NOL9: variants seen among roughly 807,000 people sequenced by gnomAD.
The protein encoded by NOL9 is polynucleotide 5'-hydroxyl-kinase NOL9.
In NOL9, 28 loss-of-function variants were observed where a neutral mutation model predicts 67.9. The observed-to-expected ratio is 0.41, with a 90% CI of 0.31 to 0.57. NOL9 has a LOEUF of 0.57. NOL9 is among the 20% of genes least tolerant of loss of function. The pLI, the probability that NOL9 is intolerant of heterozygous loss-of-function variation, is 0.25. For synonymous variants in NOL9, 356 were observed against 352.2 expected (o/e 1.01, Z -0.12); for missense variants, 777 against 897.0 (o/e 0.87, Z 1.71).
In NOL9 at chr1:6,522,222, T is replaced by G. The variant is rs899239609; in HGVS notation, c.*3632A>C. On this transcript the variant is annotated 3_prime_UTR_variant, in exon 12 of 12. Coordinates refer to ENST00000377705, the MANE Select transcript of NOL9 (RefSeq NM_024654.5). ...ATTAGCTAGTGTAGTGGCGGGCGCC[T>G]GTAATCCCGGATACTTTGAAAATTA... 6.6e-6 allele frequency: 1 copy of G among 151,982 alleles called. No homozygotes were observed. The highest frequency in any genetic ancestry group is 1.5e-5 in the Non-Finnish European group (1 of 67,990). 9.4% of individuals were successfully genotyped at this position (151,982 alleles called of 1,614,324 possible).
intron 6 of NOL9, among the ~76,000 whole-genome samples, chr1:6,537,750 T>C (rs1334285443): frequency 6.6e-6 from 1 of 152,128 alleles, no homozygotes; most frequent in Non-Finnish European, 1.5e-5. Context: ...AATATCTATA[T>C]TCAAAAGAAA....
chr1:6,554,285 G>A lies in NOL9; in HGVS notation c.218C>T (p.Ala73Val), dbSNP rs1295398881. Residue 73 changes from alanine (A) to valine (V), a missense_variant, in exon 1 of 12, where the codon GCG becomes GTG. Around this residue, in one of 2 missense-constraint regions of NOL9, gnomAD observed 364 missense variants for 344.4 expected, o/e 1.06. Coordinates refer to ENST00000377705, the MANE Select transcript of NOL9 (RefSeq NM_024654.5). Reference protein sequence around the residue: ...REGARQVSRAAAARRPNTATP... With the variant: ...REGARQVSRAVAARRPNTATP... ...CGCGGTGTTGGGTCTCCGGGCCGCC[G>A]CCGCGCGCGACACCTGGCGGGCTCC... is the stretch of plus-strand genomic sequence containing the variant. 1.8e-5 allele frequency: 27 copies of A among 1,472,730 alleles called. No individual in the cohort carries two copies. The highest frequency in any genetic ancestry group is 2.5e-5 in the Admixed American group (1 of 39,562). 91.2% of individuals were successfully genotyped at this position (1,472,730 alleles called of 1,614,324 possible).
intron 3 of NOL9, among the ~76,000 whole-genome samples, chr1:6,546,621 C>T (rs779429719): frequency 6.6e-6 from 1 of 152,120 alleles, no homozygotes; most frequent in South Asian, 2.1e-4. Flanking sequence ...CTCCTAAGGC[C>T]ACATGATGCC....
intron 6 of NOL9, among the ~76,000 whole-genome samples, chr1:6,539,652 C>T (rs4908914): frequency 0.98 from 148,970 of 152,164 alleles, 73,018 homozygotes; most frequent in East Asian, 1. Context: ...GCCCAGCTAA[C>T]TTTTGTATTT....
intron 6 of NOL9, among the ~76,000 whole-genome samples, chr1:6,535,281 T>C (rs944686457): frequency 2.6e-5 from 4 of 152,170 alleles, no homozygotes; most frequent in African/African-American, 9.7e-5. Context: ...GTACTGAAAC[T>C]CTGGTTTCAA....
chr1:6,521,637 C>A lies in NOL9; in HGVS notation c.*4217G>T, dbSNP rs183340653. ...TGCTTCCTCAAGGGCTCTTTGACCA[C>A]AGGAAGCTTGGTAGCAACAATTTTA... On this transcript the variant is annotated 3_prime_UTR_variant, in exon 12 of 12. Coordinates refer to ENST00000377705, the MANE Select transcript of NOL9 (RefSeq NM_024654.5). 1 of 152,326 alleles carries A rather than the reference C, an allele frequency of 6.6e-6. No individual in the cohort carries two copies. Among genetic ancestry groups the A allele is most frequent in the Non-Finnish European group, 1.5e-5 (1 of 68,028 alleles). 9.4% of individuals were successfully genotyped at this position (152,326 alleles called of 1,614,324 possible). A position where few individuals can be genotyped will look rare whatever the true frequency, so the allele number is the denominator to read the frequency against.
chr1:6,525,846 C>A lies in NOL9; in HGVS notation c.*8G>T. The A allele has an allele frequency of 6.2e-7, 1 of 1,613,776 alleles. No individual in the cohort carries two copies. Among genetic ancestry groups the A allele is most frequent in the Non-Finnish European group, 8.5e-7 (1 of 1,179,820 alleles). ...GGAAAGTTTCTTCCCTTATTAAAAA[C>A]GCGAGCATCACTTCATTTTTCGACA... On this transcript the variant is annotated 3_prime_UTR_variant, in exon 12 of 12. Coordinates refer to ENST00000377705, the MANE Select transcript of NOL9 (RefSeq NM_024654.5).
chr1:6,540,017 C>T (rs543237238), intron 6 of NOL9, among the ~76,000 whole-genome samples: 1 of 152,056 alleles, frequency 6.6e-6, no homozygotes, highest in African/African-American at 2.4e-5. Context: ...CAGAGTTTTG[C>T]TCTTGCTGCC....
chr1:6,531,472 C>A (rs1031591736), intron 9 of NOL9, among the ~76,000 whole-genome samples: 7 of 152,096 alleles, frequency 4.6e-5, no homozygotes, highest in Admixed American at 3.9e-4. Context: ...CTTGGCCTCC[C>A]AAAGTGCTGG....
chr1:6,532,306 TA>T (rs1408191202), intron 8 of NOL9, 156 bp downstream of exon 8: 4 of 781,060 alleles, frequency 5.1e-6, no homozygotes, highest in Middle Eastern at 2.9e-4. Flanking sequence ...ACTGGGAACA[TA>T]ACAGTTCAGA....
chr1:6,548,258 C>G (rs1639464639), intron 3 of NOL9: 1 of 156,410 alleles, frequency 6.4e-6, no homozygotes, highest in Non-Finnish European at 1.4e-5. Flanking sequence ...ATCGATTCTC[C>G]CGCCTCACCT....
rs72862867 is a variant in NOL9 at position 6,545,037 on chromosome 1, T to C, written c.880+8A>G. ...AGACATTCAGGGTGATCAATGTGTATTACTCACCACAGGAAACATTGACTA... is the reference window on the plus strand; with the variant it reads ...AGACATTCAGGGTGATCAATGTGTACTACTCACCACAGGAAACATTGACTA... On this transcript the variant is annotated splice_region_variant and intron_variant, in intron 4 of 11. Coordinates refer to ENST00000377705, the MANE Select transcript of NOL9 (RefSeq NM_024654.5). 4,068 of 1,614,118 alleles carry C rather than the reference T, an allele frequency of 2.5e-3. 82 individuals are homozygous for C. In the African/African-American group the frequency reaches 0.044, roughly 18 times the overall value.
chr1:6,538,701 G>A lies in NOL9; in HGVS notation c.1075+3129C>T, dbSNP rs989326212. 6.6e-5 allele frequency among the ~76,000 whole-genome samples: 10 copies of A among 152,036 alleles called. No homozygotes were observed. The East Asian group carries it at 1.4e-3, about 21-fold the overall frequency. ...CAGACAAAAAACAAAAAAACAAGCA[G>A]GCTGGGTGTGGTGGCTCATGCCTGT... On this transcript the variant is annotated intron_variant, in intron 6 of 11. Transcript: ENST00000377705.
chr1:6,554,315 C>T lies in NOL9; in HGVS notation c.188G>A (p.Arg63Lys), dbSNP rs763845393. The part of the protein sequence containing the change: ...LQAQASGVDW[R>K]EGARQVSRAA... The stretch of plus-strand genomic sequence containing the variant: ...GCGCGACACCTGGCGGGCTCCCTCC[C>T]TCCAGTCCACGCCGGACGCCTGGGC... The change falls in exon 1 of 12, where the codon AGG (arginine) becomes AAG (lysine). Residue 63 changes from arginine (R) to lysine (K), a missense_variant. Coordinates refer to ENST00000377705, the MANE Select transcript of NOL9 (RefSeq NM_024654.5). 240 of 1,478,850 alleles carry T rather than the reference C, an allele frequency of 1.6e-4. No individual in the cohort carries two copies. Among genetic ancestry groups the T allele is most frequent in the Middle Eastern group, 9.4e-4 (4 of 4,252 alleles). The allele number at this position is 1,478,850 out of a possible 1,614,324, so 91.6% of individuals were successfully genotyped here. A position where few individuals can be genotyped will look rare whatever the true frequency, so the allele number is the denominator to read the frequency against.
chr1:6,544,280 C>T (rs1396597256), intron 5 of NOL9, among the ~76,000 whole-genome samples: 1 of 148,766 alleles, frequency 6.7e-6, no homozygotes, highest in African/African-American at 2.5e-5. Flanking sequence ...CAGACCCGGT[C>T]TCAAAAAAAA....
chr1:6,528,691 C>T (rs1184027486), intron 10 of NOL9, among the ~76,000 whole-genome samples: 28 of 152,208 alleles, frequency 1.8e-4, no homozygotes, highest in Admixed American at 1.4e-3. Flanking sequence ...AAAAAGGCAA[C>T]GCCTAAAATG....
At chr1:6,540,404 G>A (rs1639258646) in intron 6 of NOL9, among the ~76,000 whole-genome samples, 1 of 152,116 alleles carries the variant, frequency 6.6e-6, no homozygotes, top group Admixed American at 6.6e-5. Flanking sequence ...TTACAGGCAT[G>A]AGCCACCAAG....
At chr1:6,552,187 AATACAT>A (rs1204598528) in intron 1 of NOL9, among the ~76,000 whole-genome samples, 2 of 152,206 alleles carry the variant, frequency 1.3e-5, no homozygotes, top group African/African-American at 4.8e-5. Context: ...TGCTGGGCTT[AATACAT>A]AGGTGATGTG....
At chr1:6,551,630 A>T (rs1048240498) in intron 1 of NOL9, among the ~76,000 whole-genome samples, 27 of 151,936 alleles carry the variant, frequency 1.8e-4, no homozygotes, top group East Asian at 3.9e-4. Flanking sequence ...AAATAAAATT[A>T]AAAAATTTAA....
Sources: allele counts gnomAD v4.1 joint callset (sites outside exome capture counted in the v4.1 genomes callset), GRCh38; gene constraint gnomAD v4.1.1; regional missense constraint gnomAD v4.1.1; transcripts MANE v1.5; gene names NCBI Gene and HGNC (gene_info 2026-07-23, HGNC 2026-07-21).